The following UBA3 variants were observed in gnomAD, a reference collection of about 807,000 sequenced individuals.
UBA3 encodes NEDD8-activating enzyme E1 catalytic subunit.
UBA3 carries 26 observed loss-of-function variants against 73.5 expected under a neutral mutation model. The ratio of observed to expected loss-of-function variants is 0.35; its 90% CI spans 0.26 to 0.49. The LOEUF (loss-of-function observed/expected upper bound fraction) is 0.49, where lower values mean the gene tolerates loss of function less well. Among genes scored for constraint, UBA3 ranks in the 20% least tolerant of loss-of-function variants. The probability of loss-of-function intolerance (pLI) is 0.98; values close to 1 mark genes in which losing one functional copy is unlikely to be tolerated. For missense variants in UBA3, 495 were observed against 555.6 expected (o/e 0.89, Z 1.10); for synonymous variants, 217 against 191.2 (o/e 1.13, Z -1.11).
Position 69,071,593 on chromosome 3 carries a change from G to T in UBA3, c.289C>A (p.His97Asn). The change falls in exon 5 of 18, where the codon CAT (histidine) becomes AAT (asparagine). Residue 97 changes from histidine (H) to asparagine (N), a missense_variant. Transcript: ENST00000361055. ...NLALSGFRQI[H>N]VIDMDTIDVS... ...TCTATAGTGTCCATATCTATAACAT[G>T]AATCTGTCTAAAACCAGACAAGGCC... The T allele has an allele frequency of 6.4e-7, 1 of 1,560,850 alleles. No individual in the cohort carries two copies. Among genetic ancestry groups the T allele is most frequent in the Non-Finnish European group, 8.6e-7 (1 of 1,163,276 alleles).
intron 4 of UBA3, chr3:69,074,951 G>A (rs1434695989): frequency 2.6e-5 from 4 of 152,264 alleles, no homozygotes; most frequent in Admixed American, 1.3e-4. Context: ...CAGGCAAATC[G>A]CTATAATCCA....
In UBA3 at chr3:69,079,970, G is replaced by A. The variant is rs1166873942; in HGVS notation, c.62+142C>T. 7.0e-6 allele frequency: 5 copies of A among 711,352 alleles called. No individual in the cohort carries two copies. The East Asian group carries it at 9.1e-5, about 13-fold the overall frequency. 44.1% of individuals were successfully genotyped at this position (711,352 alleles called of 1,614,324 possible). A position where few individuals can be genotyped will look rare whatever the true frequency, so the allele number is the denominator to read the frequency against. On this transcript the variant is annotated intron_variant, in intron 2 of 17. Transcript: ENST00000361055. ...CAGGCCCCCGGGGCTGCGGGGCGGG[G>A]ATCAGGGGATGAGGCAGCGCGGCCT...
chr3:69,055,897 G>C lies in UBA3; in HGVS notation c.1257C>G (p.Thr419=). The change falls in exon 17 of 18, where the codon ACC becomes ACG. Residue 419 remains threonine (T), a synonymous_variant. Coordinates refer to ENST00000361055, the MANE Select transcript of UBA3 (RefSeq NM_003968.4). Reference sequence around the variant, plus strand: ...TTGGCCTTGTTCGTTCTTCAATAGAGGTTACCGACTAGAAAACAAAATTAC... The same window carrying C: ...TTGGCCTTGTTCGTTCTTCAATAGACGTTACCGACTAGAAAACAAAATTAC... ...KNRTLYLQSV[T]SIEERTRPNL... The C allele has an allele frequency of 6.2e-7, 1 of 1,612,248 alleles. No individual in the cohort carries two copies. The highest frequency in any genetic ancestry group is 8.5e-7 in the Non-Finnish European group (1 of 1,179,254).
At chr3:69,063,603 T>A in intron 7 of UBA3, 100 bp from the exon 8 acceptor site, 3 of 961,522 alleles carry the variant, frequency 3.1e-6, no homozygotes, top group Non-Finnish European at 4.5e-6. Context: ...ACCACTCTGG[T>A]GCAAGATGTT....
chr3:69,077,567 T>TA, intron 3 of UBA3: 1 of 401,544 alleles, frequency 2.5e-6, no homozygotes, highest in Non-Finnish European at 4.4e-6. Flanking sequence ...GTCATGAAGT[T>TA]AGATTTTTCT....
intron 4 of UBA3, among the ~76,000 whole-genome samples, chr3:69,072,309 G>A (rs939569996): frequency 6.6e-6 from 1 of 152,114 alleles, no homozygotes; most frequent in South Asian, 2.1e-4. Flanking sequence ...AGTTTACTTC[G>A]ATGATCAAAT....
At chr3:69,057,634 T>A (rs1364057466) in intron 11 of UBA3, among the ~76,000 whole-genome samples, 2 of 152,200 alleles carry the variant, frequency 1.3e-5, no homozygotes, top group Non-Finnish European at 2.9e-5. Context: ...TTTCACAACA[T>A]CTTCATGTTA....
At chr3:69,070,499 GA>G (rs1290940294) in intron 5 of UBA3, among the ~76,000 whole-genome samples, 1 of 150,022 alleles carries the variant, frequency 6.7e-6, no homozygotes, top group African/African-American at 2.4e-5. Flanking sequence ...AATAGAGAGA[GA>G]AAAAAAAAGT....
chr3:69,074,012 G>A (rs1166647599), intron 4 of UBA3, among the ~76,000 whole-genome samples: 1 of 152,048 alleles, frequency 6.6e-6, no homozygotes, highest in East Asian at 1.9e-4. Context: ...AGCAAAACAA[G>A]GAGTAAAATT....
intron 15 of UBA3, 42 bp downstream of exon 15, chr3:69,056,141 A>G: frequency 6.4e-7 from 1 of 1,559,556 alleles, no homozygotes; most frequent in Non-Finnish European, 8.6e-7. Flanking sequence ...CAAAAATCAC[A>G]AAAATGATTT....
At chr3:69,072,356 A>G (rs908311280) in intron 4 of UBA3, among the ~76,000 whole-genome samples, 15 of 152,284 alleles carry the variant, frequency 9.9e-5, no homozygotes, top group Middle Eastern at 6.8e-3. Context: ...CTGTCCCCCT[A>G]TATACCAAGA....
intron 6 of UBA3, among the ~76,000 whole-genome samples, chr3:69,065,604 G>C (rs142099390): frequency 6.6e-6 from 1 of 151,740 alleles, no homozygotes; most frequent in African/African-American, 2.4e-5. Context: ...CACCATGCCC[G>C]GGTAATTTTT....
At chr3:69,079,146 T>C (rs1415054794) in intron 2 of UBA3, among the ~76,000 whole-genome samples, 1 of 152,222 alleles carries the variant, frequency 6.6e-6, no homozygotes, top group Non-Finnish European at 1.5e-5. Context: ...AGCAGATTAC[T>C]TAATAGACAT....
chr3:69,077,095 T>G (rs897441672), intron 3 of UBA3, among the ~76,000 whole-genome samples: 2 of 151,622 alleles, frequency 1.3e-5, no homozygotes, highest in Non-Finnish European at 2.9e-5. Flanking sequence ...ATTAATACTT[T>G]CAATTCTTTT....
Position 69,061,743 on chromosome 3 carries a change from AT to A in UBA3, c.910+70del, listed in dbSNP as rs1441044326. 1.7e-5 allele frequency: 17 copies of A among 974,976 alleles called. No homozygotes were observed. The Admixed American group carries it at 2.7e-4, about 15-fold the overall frequency. The allele number at this position is 974,976 out of a possible 1,614,324, so 60.4% of individuals were successfully genotyped here. On this transcript the variant is annotated intron_variant, in intron 11 of 17. Coordinates refer to ENST00000361055, the MANE Select transcript of UBA3 (RefSeq NM_003968.4). ...TGGTACTGTCTAAACTCACTTATCG[AT>A]TATTCTCCTGAAAGCATCCCAGCCC...
chr3:69,062,860 G>T, intron 9 of UBA3, 122 bp downstream of exon 9: 1 of 1,197,890 alleles, frequency 8.3e-7, no homozygotes, highest in Non-Finnish European at 1.2e-6. Context: ...TTTCTTCTTA[G>T]TGTAATTTTT....
intron 11 of UBA3, among the ~76,000 whole-genome samples, chr3:69,061,139 T>G (rs533880126): frequency 1.2e-3 from 176 of 152,358 alleles, no homozygotes; most frequent in Non-Finnish European, 2.0e-3. Context: ...TAAAAGCTAT[T>G]ACTTAAAAGG....
chr3:69,079,576 TAA>T lies in UBA3; in HGVS notation c.62+534_62+535del, dbSNP rs533068508. On this transcript the variant is annotated intron_variant, in intron 2 of 17. Transcript: ENST00000361055. ...GAAATAGGGTGTGTAGTAAAAGGGA[TAA>T]ATAGGCTGTTTGAAGTCAACAACCT... is the stretch of plus-strand genomic sequence containing the variant. 3.5e-4 allele frequency among the ~76,000 whole-genome samples: 53 copies of T among 152,342 alleles called. No homozygotes were observed. The Middle Eastern group carries it at 0.01, about 29-fold the overall frequency.
intron 4 of UBA3, among the ~76,000 whole-genome samples, chr3:69,073,215 T>C (rs892913490): frequency 1.3e-5 from 2 of 152,194 alleles, no homozygotes; most frequent in African/African-American, 4.8e-5. Flanking sequence ...CAAAGTCTTT[T>C]GTGATATCCA....
Sources: allele counts gnomAD v4.1 joint callset (sites outside exome capture counted in the v4.1 genomes callset), GRCh38; gene constraint gnomAD v4.1.1; transcripts MANE v1.5; gene names NCBI Gene and HGNC (gene_info 2026-07-23, HGNC 2026-07-21).